MTMR8: variants seen among roughly 807,000 people sequenced by gnomAD.
The protein encoded by MTMR8 is phosphatidylinositol-3,5-bisphosphate 3-phosphatase MTMR8.
In MTMR8, 65 loss-of-function variants were observed where a neutral mutation model predicts 39.3. That is an observed-to-expected ratio of 1.65 (90% CI 1.35 to 2.03). The LOEUF (loss-of-function observed/expected upper bound fraction) is 2.03. Among genes scored for constraint, MTMR8 ranks in the 30% most tolerant of loss-of-function variants. The pLI is 0.00. For missense variants in MTMR8, 777 were observed against 538.9 expected, an observed-to-expected ratio of 1.44 and a Z score of -4.37; for synonymous variants, 245 against 185.2, an observed-to-expected ratio of 1.32 and a Z score of -2.62.
At chrX:64,389,924 T>C (rs1384211962) in intron 1 of MTMR8, among the ~76,000 whole-genome samples, 2 of 111,939 alleles carry the variant, frequency 1.8e-5, no homozygotes, top group Non-Finnish European at 3.8e-5. Flanking sequence ...CACTATTTCC[T>C]AGACTGGAAG....
intron 1 of MTMR8, among the ~76,000 whole-genome samples, chrX:64,392,246 G>A (rs1329319672): frequency 1.8e-5 from 2 of 111,991 alleles, no homozygotes; most frequent in African/African-American, 6.5e-5. Flanking sequence ...CAACAAAAAT[G>A]TATATTTAAA....
intron 8 of MTMR8, 109 bp from the exon 9 acceptor site, chrX:64,337,502 G>A: frequency 2.3e-6 from 2 of 860,654 alleles, no homozygotes; most frequent in Middle Eastern, 3.0e-4. Flanking sequence ...GGTCTTATGG[G>A]CTACATTAAT....
chrX:64,321,274 C>A (rs1488931387), intron 12 of MTMR8, among the ~76,000 whole-genome samples: 6 of 111,903 alleles, frequency 5.4e-5, no homozygotes, highest in African/African-American at 1.9e-4. Flanking sequence ...AAATTTAAAT[C>A]AACTGTTTTA....
At chrX:64,296,573 GTT>G (rs59765267) in intron 12 of MTMR8, among the ~76,000 whole-genome samples, 2,535 of 90,901 alleles carry the variant, frequency 0.028, 101 homozygotes, top group African/African-American at 0.095. Flanking sequence ...CCCTATGCTG[GTT>G]TTTTTTTTTT....
At chrX:64,362,471 GAAAAAAAAAAAAAAA>G (rs760545171) in intron 1 of MTMR8, among the ~76,000 whole-genome samples, 104 of 5,496 alleles carry the variant, frequency 0.019, 1 homozygote, top group African/African-American at 0.039. Context: ...TACTATTGCA[GAAAAAAAAAAAAAAA>G]AAAAAAAAAA....
intron 1 of MTMR8, among the ~76,000 whole-genome samples, chrX:64,378,155 C>A (rs1174739303): frequency 8.9e-6 from 1 of 111,923 alleles, no homozygotes; most frequent in African/African-American, 3.3e-5. Context: ...TAGTTCCTTA[C>A]AGCAATGCAA....
At chrX:64,367,784 A>C (rs1018048592) in intron 1 of MTMR8, among the ~76,000 whole-genome samples, 1 of 111,733 alleles carries the variant, frequency 8.9e-6, no homozygotes, top group African/African-American at 3.3e-5. Flanking sequence ...AGAAAGAAAT[A>C]AAGGGTATTC....
intron 1 of MTMR8, among the ~76,000 whole-genome samples, chrX:64,369,132 G>A (rs1924057977): frequency 8.9e-6 from 1 of 112,075 alleles, no homozygotes; most frequent in African/African-American, 3.2e-5. Flanking sequence ...TGTAGAGGAT[G>A]TGGAGAAATA....
intron 12 of MTMR8, among the ~76,000 whole-genome samples, chrX:64,317,444 A>G (rs1922501782): frequency 9.0e-6 from 1 of 110,806 alleles, no homozygotes; most frequent in Admixed American, 9.6e-5. Flanking sequence ...TCTCAAGCTC[A>G]TGTATTCTTT....
At chrX:64,284,689 A>C (rs777544185) in intron 12 of MTMR8, among the ~76,000 whole-genome samples, 53 of 111,657 alleles carry the variant, frequency 4.7e-4, no homozygotes, top group African/African-American at 1.7e-3. Flanking sequence ...TAAAGAAAAG[A>C]ATTTTCAACC....
chrX:64,376,045 C>T (rs960610224), intron 1 of MTMR8, among the ~76,000 whole-genome samples: 2 of 111,830 alleles, frequency 1.8e-5, no homozygotes, highest in Non-Finnish European at 1.9e-5. Context: ...TTGCTTCCAC[C>T]ATTATTGTAA....
At chrX:64,297,726 A>G (rs1164413337) in intron 12 of MTMR8, among the ~76,000 whole-genome samples, 4 of 108,313 alleles carry the variant, frequency 3.7e-5, no homozygotes, top group Non-Finnish European at 7.6e-5. Flanking sequence ...TCTAACGTTT[A>G]AATCTTTACT....
chrX:64,273,569 A>G (rs1291612522), intron 12 of MTMR8, among the ~76,000 whole-genome samples: 1 of 111,838 alleles, frequency 8.9e-6, no homozygotes, highest in Non-Finnish European at 1.9e-5. Flanking sequence ...GGCAAACAGA[A>G]AAAATGAACA....
intron 12 of MTMR8, among the ~76,000 whole-genome samples, chrX:64,299,176 C>G (rs1921744340): frequency 1.1e-5 from 1 of 87,583 alleles, no homozygotes; most frequent in Non-Finnish European, 2.2e-5. Flanking sequence ...CCTTGTACCT[C>G]TGGTAGAATT....
At chrX:64,364,158 G>T (rs777212857) in intron 1 of MTMR8, among the ~76,000 whole-genome samples, 1 of 112,640 alleles carries the variant, frequency 8.9e-6, no homozygotes, top group Non-Finnish European at 1.9e-5. Context: ...CTCTGGGGCA[G>T]GGCATAGCTG....
At chrX:64,323,759 A>G (rs923606586) in intron 12 of MTMR8, among the ~76,000 whole-genome samples, 1 of 112,278 alleles carries the variant, frequency 8.9e-6, no homozygotes, top group East Asian at 2.8e-4. Context: ...TAACAACAGG[A>G]ACTTCTGAAA....
At chrX:64,359,319 C>T in intron 2 of MTMR8, 86 bp downstream of exon 2, 3 of 946,209 alleles carry the variant, frequency 3.2e-6, no homozygotes, top group South Asian at 3.7e-5. Flanking sequence ...TTAAAAATTA[C>T]ACTTGAAATT....
At chrX:64,279,656 C>A (rs1480694506) in intron 12 of MTMR8, among the ~76,000 whole-genome samples, 1 of 111,643 alleles carries the variant, frequency 9.0e-6, no homozygotes, top group African/African-American at 3.3e-5. Context: ...TATGGAATTG[C>A]AAGGGACCCT....
At chrX:64,283,399 C>T (rs1306957077) in intron 12 of MTMR8, among the ~76,000 whole-genome samples, 6 of 112,175 alleles carry the variant, frequency 5.3e-5, no homozygotes, top group Non-Finnish European at 1.1e-4. Flanking sequence ...CCTCTGGGGG[C>T]AGGGTATAGC....
Sources: gnomAD v4.1 joint callset for allele counts (sites outside exome capture counted in the v4.1 genomes callset) on GRCh38, gnomAD v4.1.1 for gene constraint, MANE v1.5 for transcripts, NCBI Gene and HGNC (gene_info 2026-07-23, HGNC 2026-07-21) for gene names.